Variants in STXBP5 observed in about 807,000 individuals in gnomAD.
STXBP5 encodes syntaxin-binding protein 5.
A neutral mutation model predicts 152.4 loss-of-function variants in STXBP5; 50 were observed. The ratio of observed to expected loss-of-function variants is 0.33; its 90% CI spans 0.26 to 0.42. The LOEUF (loss-of-function observed/expected upper bound fraction) is 0.42. Ranked by LOEUF, STXBP5 falls within the 10% of genes least tolerant of loss-of-function variation. The probability of loss-of-function intolerance (pLI) is 1.00; values close to 1 mark genes in which losing one functional copy is unlikely to be tolerated. For missense variants in STXBP5, 1,167 were observed against 1,388.6 expected (o/e 0.84, Z 2.54); for synonymous variants, 492 against 494.7 (o/e 0.99, Z 0.07).
At chr6:147,300,955 C>CAA (rs935699736) in intron 9 of STXBP5, among the ~76,000 whole-genome samples, 7 of 137,684 alleles carry the variant, frequency 5.1e-5, no homozygotes, top group African/African-American at 1.6e-4. Flanking sequence ...GTTCAATAGC[C>CAA]AAAAAAAAAA....
chr6:147,238,415 T>C (rs1307923793), intron 3 of STXBP5, among the ~76,000 whole-genome samples: 2 of 152,194 alleles, frequency 1.3e-5, no homozygotes, highest in Non-Finnish European at 2.9e-5. Context: ...AGATCTTTTA[T>C]GACCCAAATG....
chr6:147,247,677 A>G (rs1032407569), intron 4 of STXBP5, among the ~76,000 whole-genome samples: 7 of 152,098 alleles, frequency 4.6e-5, no homozygotes, highest in African/African-American at 1.2e-4. Context: ...TTCTCCTACA[A>G]TTCTGCATCT....
intron 7 of STXBP5, among the ~76,000 whole-genome samples, chr6:147,274,741 T>G (rs1344548107): frequency 6.6e-6 from 1 of 152,094 alleles, no homozygotes; most frequent in Admixed American, 6.6e-5. Flanking sequence ...CTTTTGTCAT[T>G]TTTTGGCATT....
chr6:147,323,411 G>A (rs1335437842), intron 16 of STXBP5, among the ~76,000 whole-genome samples: 2 of 149,056 alleles, frequency 1.3e-5, no homozygotes, highest in South Asian at 2.1e-4. Flanking sequence ...TTTTTTTGGA[G>A]ACGGAGATCT....
intron 21 of STXBP5, among the ~76,000 whole-genome samples, chr6:147,340,477 A>G (rs1784040457): frequency 1.3e-5 from 2 of 152,026 alleles, no homozygotes; most frequent in African/African-American, 4.8e-5. Context: ...TAGTTAAATC[A>G]CTGTAATTAT....
At chr6:147,241,961 T>G (rs1369387727) in intron 4 of STXBP5, among the ~76,000 whole-genome samples, 2 of 152,138 alleles carry the variant, frequency 1.3e-5, no homozygotes, top group African/African-American at 4.8e-5. Flanking sequence ...TAGAGTTTAT[T>G]CCTTCTACTT....
At chr6:147,315,757 T>A in intron 15 of STXBP5, 22 bp downstream of exon 15, 1 of 1,585,266 alleles carries the variant, frequency 6.3e-7, no homozygotes, top group Non-Finnish European at 8.7e-7. Context: ...TTAGTTATTT[T>A]CATGGTCAAG....
intron 2 of STXBP5, among the ~76,000 whole-genome samples, chr6:147,224,614 C>T (rs751637757): frequency 1.1e-4 from 16 of 152,034 alleles, no homozygotes; most frequent in African/African-American, 3.9e-4. Flanking sequence ...TTCATTTTTT[C>T]CTGGTAACCT....
chr6:147,358,998 C>A, intron 22 of STXBP5, 86 bp from the exon 23 acceptor site: 2 of 1,473,816 alleles, frequency 1.4e-6, no homozygotes, highest in Non-Finnish European at 1.8e-6. Context: ...TGCAGATTAA[C>A]TATTTGACCA....
chr6:147,347,478 T>G (rs1784391561), intron 21 of STXBP5, among the ~76,000 whole-genome samples: 1 of 152,188 alleles, frequency 6.6e-6, no homozygotes, highest in African/African-American at 2.4e-5. Flanking sequence ...ATGTTGATCT[T>G]TAAATCCATT....
At chr6:147,241,520 C>T (rs943313083) in intron 4 of STXBP5, among the ~76,000 whole-genome samples, 1 of 152,078 alleles carries the variant, frequency 6.6e-6, no homozygotes, top group Non-Finnish European at 1.5e-5. Context: ...TATATATAGC[C>T]ATGTGTTGCA....
intron 16 of STXBP5, among the ~76,000 whole-genome samples, chr6:147,324,657 G>C (rs1783132766): frequency 6.6e-6 from 1 of 151,712 alleles, no homozygotes; most frequent in Non-Finnish European, 1.5e-5. Flanking sequence ...CTTCTCCTCA[G>C]CTTTCTCCCC....
chr6:147,323,773 A>G (rs144999566), intron 16 of STXBP5, among the ~76,000 whole-genome samples: 10 of 152,322 alleles, frequency 6.6e-5, no homozygotes, highest in African/African-American at 2.2e-4. Flanking sequence ...GGCAGTCACA[A>G]GTTCCTCACA....
At chr6:147,339,953 G>A (rs1427086562) in intron 21 of STXBP5, among the ~76,000 whole-genome samples, 1 of 151,886 alleles carries the variant, frequency 6.6e-6, no homozygotes, top group Non-Finnish European at 1.5e-5. Context: ...TCAGTCCAAA[G>A]TTCTCAAAGT....
intron 8 of STXBP5, among the ~76,000 whole-genome samples, chr6:147,287,134 A>T (rs1382480512): frequency 6.6e-6 from 1 of 151,620 alleles, no homozygotes; most frequent in Admixed American, 6.6e-5. Context: ...TAATCCCCTC[A>T]AACATTTATC....
chr6:147,363,686 G>A lies in STXBP5; in HGVS notation c.2897G>A (p.Gly966Glu). ...SICLACFCAN[G>E]HIMTFSLPSL... ...TGCCTTGCCTGTTTCTGTGCCAATGGACATATAATGACTTTTAGGTAAGAG... is the reference window on the plus strand; with the variant it reads ...TGCCTTGCCTGTTTCTGTGCCAATGAACATATAATGACTTTTAGGTAAGAG... Residue 966 changes from glycine (G) to glutamate (E), a missense_variant, in exon 24 of 28, where the codon GGA becomes GAA. Gly to Glu is a moderately conservative substitution (Grantham distance 98). Coordinates refer to ENST00000321680, the MANE Select transcript of STXBP5 (RefSeq NM_001127715.4). 1 of 1,609,482 alleles carries A rather than the reference G, an allele frequency of 6.2e-7. No homozygotes were observed.
intron 2 of STXBP5, among the ~76,000 whole-genome samples, chr6:147,234,795 A>G (rs577409320): frequency 1.3e-5 from 2 of 152,120 alleles, no homozygotes; most frequent in Admixed American, 1.3e-4. Flanking sequence ...TACACTGCAG[A>G]AATGAAAAAT....
chr6:147,375,798 A>G (rs1033528924), intron 26 of STXBP5, among the ~76,000 whole-genome samples: 1 of 151,990 alleles, frequency 6.6e-6, no homozygotes. Context: ...TAATGTGGCT[A>G]GAGAAAAATT....
At chr6:147,264,596 G>C (rs894466305) in intron 6 of STXBP5, among the ~76,000 whole-genome samples, 1 of 152,040 alleles carries the variant, frequency 6.6e-6, no homozygotes, top group Non-Finnish European at 1.5e-5. Context: ...ACGTTGTAGA[G>C]AAATGTATTC....
Sources: gnomAD v4.1 joint callset for allele counts (sites outside exome capture counted in the v4.1 genomes callset) on GRCh38, gnomAD v4.1.1 for gene constraint, MANE v1.5 for transcripts, NCBI Gene and HGNC (gene_info 2026-07-23, HGNC 2026-07-21) for gene names.